Variants in IQCH observed in about 807,000 individuals in gnomAD.
The protein encoded by IQCH is IQ domain-containing protein H.
IQCH carries 98 observed loss-of-function variants against 117.0 expected under a neutral mutation model. The ratio of observed to expected loss-of-function variants is 0.84; its 90% CI spans 0.71 to 0.99. The LOEUF is 0.99. Among genes scored for constraint, IQCH ranks in the 50% least tolerant of loss-of-function variants. The probability of loss-of-function intolerance (pLI) is 0.00; values close to 1 mark genes in which losing one functional copy is unlikely to be tolerated. For synonymous variants in IQCH, 412 were observed against 448.2 expected, an observed-to-expected ratio of 0.92 and a Z score of 1.02; for missense variants, 1,102 against 1,243.8, an observed-to-expected ratio of 0.89 and a Z score of 1.72.
chr15:67,448,180 T>TGC (rs397689617), intron 16 of IQCH, among the ~76,000 whole-genome samples: 284 of 150,978 alleles, frequency 1.9e-3, no homozygotes, highest in African/African-American at 6.7e-3. Context: ...TGTGTGTGTG[T>TGC]AACAGCTTTA....
In IQCH at chr15:67,372,570, G is replaced by A. The variant is rs1326920943; in HGVS notation, c.1213G>A (p.Ala405Thr). 1 of 1,614,020 alleles carries A rather than the reference G, an allele frequency of 6.2e-7. No individual in the cohort carries two copies. The highest frequency in any genetic ancestry group is 8.5e-7 in the Non-Finnish European group (1 of 1,179,964). The change falls in exon 9 of 21, where the codon GCT becomes ACT. Residue 405 changes from alanine to threonine, a missense_variant. This residue lies in a region of IQCH where 650 missense variants were observed against 794.3 expected (regional missense o/e 0.82). Transcript: ENST00000335894. ...QKWASGVIAI[A>T]WLLYCHKTRL... ...GTGGGCATCAGGTGTGATTGCCATTGCTTGGCTGTTATATTGCCATAAGAC... is the reference window on the plus strand; with the variant it reads ...GTGGGCATCAGGTGTGATTGCCATTACTTGGCTGTTATATTGCCATAAGAC...
rs942790707 is a variant in IQCH, at chr15:67,393,211, A to G, written c.1633-2080A>G. 6.6e-6 allele frequency among the ~76,000 whole-genome samples: 1 copy of G among 152,242 alleles called. No individual in the cohort carries two copies. Among genetic ancestry groups the G allele is most frequent in the Admixed American group, 6.5e-5 (1 of 15,284 alleles). On this transcript the variant is annotated intron_variant, in intron 12 of 20. Coordinates refer to ENST00000335894, the MANE Select transcript of IQCH (RefSeq NM_001031715.3). This position sits in a 1 kb window ranked among gnomAD's most constrained non-coding sequence, Gnocchi z 5.5. ...ATTTGAATATGAGAAATTGAGACTC[A>G]GAAAGGTTGAGTTTTCTAAATCACC...
rs2083122561 is a variant in IQCH, at chr15:67,473,438, G to A, written c.2677-2258G>A. On this transcript the variant is annotated intron_variant, in intron 17 of 20. Transcript: ENST00000335894. The surrounding 1 kb of genome is among the most constrained non-coding windows in gnomAD (Gnocchi z 4.9). ...GCTGTCCTCCAGCAGGCAAGGCCCG[G>A]AGCAACTGCCCTGAGTTGTCCTTCT... is the stretch of plus-strand genomic sequence containing the variant. Among the ~76,000 whole-genome samples the A allele has an allele frequency of 6.6e-6, 1 of 152,214 alleles. No homozygotes were observed.
intron 8 of IQCH, among the ~76,000 whole-genome samples, chr15:67,362,816 G>A (rs759752055): frequency 5.3e-5 from 8 of 152,188 alleles, no homozygotes; most frequent in Non-Finnish European, 8.8e-5. Context: ...TATGGTATTT[G>A]AACAAAGTGT....
chr15:67,454,082 C>T lies in IQCH; in HGVS notation c.2506-11045C>T, dbSNP rs995293891. On this transcript the variant is annotated intron_variant, in intron 16 of 20. Transcript: ENST00000335894. The surrounding 1 kb of genome is among the most constrained non-coding windows in gnomAD (Gnocchi z 5.2). ...CTGTTTTTTAAGCCCGTTGGAAAAG[C>T]GCAGTATTAGGGTGGGAGTGACCCG... Among the ~76,000 whole-genome samples the T allele has an allele frequency of 5.9e-5, 9 of 152,182 alleles. No homozygotes were observed. The highest frequency in any genetic ancestry group is 2.1e-4 in the South Asian group (1 of 4,832).
At chr15:67,361,488 A>G (rs908627757) in intron 8 of IQCH, among the ~76,000 whole-genome samples, 2 of 152,256 alleles carry the variant, frequency 1.3e-5, no homozygotes, top group South Asian at 2.1e-4. Context: ...ATAAATATCA[A>G]TCATTTTTAT....
Position 67,426,604 on chromosome 15 carries a change from T to TA in IQCH, c.2505+5036dup, listed in dbSNP as rs960602153. 1.4e-4 allele frequency among the ~76,000 whole-genome samples: 20 copies of TA among 145,234 alleles called. No individual in the cohort carries two copies. The highest frequency in any genetic ancestry group is 3.7e-4 in the African/African-American group (15 of 40,006). ...ATACTCATTATTTAAACTTACAAAC[T>TA]AAAAAAAAATAAAAATAAAAATAAA... is the stretch of plus-strand genomic sequence containing the variant. On this transcript the variant is annotated intron_variant, in intron 16 of 20. Transcript: ENST00000335894. This position sits in a 1 kb window ranked among gnomAD's most constrained non-coding sequence, Gnocchi z 5.1.
rs1206299634 is a variant in IQCH at position 67,436,027 on chromosome 15, A to G, written c.2505+14450A>G. 6.6e-6 allele frequency among the ~76,000 whole-genome samples: 1 copy of G among 152,090 alleles called. No individual in the cohort carries two copies. The highest frequency in any genetic ancestry group is 1.5e-5 in the Non-Finnish European group (1 of 68,030). On this transcript the variant is annotated intron_variant, in intron 16 of 20. Transcript: ENST00000335894. This position sits in a 1 kb window ranked among gnomAD's most constrained non-coding sequence, Gnocchi z 5.1. The stretch of plus-strand genomic sequence containing the variant: ...TGTAAATGTTGCGGTGGAAAAGTAC[A>G]TTTGCTTTAGGCTTTACCTATTTCT...
chr15:67,343,022 T>G (rs1969237881), intron 5 of IQCH, among the ~76,000 whole-genome samples: 1 of 152,180 alleles, frequency 6.6e-6, no homozygotes, highest in South Asian at 2.1e-4. Flanking sequence ...GTTTTACAAG[T>G]GAACTATTTT....
intron 18 of IQCH, among the ~76,000 whole-genome samples, chr15:67,478,550 A>C (rs1007277833): frequency 1.3e-5 from 2 of 152,186 alleles, no homozygotes; most frequent in African/African-American, 4.8e-5. Context: ...TGCAAAGAAG[A>C]AAAAGATAAG....
intron 4 of IQCH, among the ~76,000 whole-genome samples, chr15:67,309,857 T>C (rs1967497591): frequency 1.3e-5 from 2 of 150,624 alleles, no homozygotes; most frequent in Admixed American, 1.3e-4. Flanking sequence ...GGTAAGCAAA[T>C]TACATTTCAG....
At chr15:67,442,354 G>A (rs2082291083) in intron 16 of IQCH, among the ~76,000 whole-genome samples, 1 of 151,870 alleles carries the variant, frequency 6.6e-6, no homozygotes, top group Admixed American at 6.6e-5. Flanking sequence ...AGGTTGTGGT[G>A]AGCCAAGATC....
At position 67,472,460 on chromosome 15, in the gene IQCH, C is replaced by G. The variant is rs942956774; in HGVS notation, c.2677-3236C>G. Reference sequence around the variant, plus strand: ...CTGTGTTAGGGGGAAATGATTAATCCGGTGATACTGTTCAGAATCCCAGGA... The same window carrying G: ...CTGTGTTAGGGGGAAATGATTAATCGGGTGATACTGTTCAGAATCCCAGGA... On this transcript the variant is annotated intron_variant, in intron 17 of 20. Transcript: ENST00000335894. The surrounding 1 kb of genome is among the most constrained non-coding windows in gnomAD (Gnocchi z 4.3). Among the ~76,000 whole-genome samples the G allele has an allele frequency of 7.9e-5, 12 of 152,086 alleles. No individual in the cohort carries two copies. Among genetic ancestry groups the G allele is most frequent in the African/African-American group, 2.9e-4 (12 of 41,410 alleles).
At chr15:67,315,933 CAG>C (rs1208279638) in intron 4 of IQCH, among the ~76,000 whole-genome samples, 4 of 152,120 alleles carry the variant, frequency 2.6e-5, no homozygotes, top group African/African-American at 7.2e-5. Flanking sequence ...CTGGAACAAA[CAG>C]AATGTATCAG....
intron 4 of IQCH, among the ~76,000 whole-genome samples, chr15:67,315,538 T>A (rs759433536): frequency 3.9e-5 from 6 of 152,150 alleles, no homozygotes; most frequent in Non-Finnish European, 8.8e-5. Flanking sequence ...ATTATCTCCA[T>A]CTTACTGGTA....
chr15:67,434,987 G>GT (rs67509951), intron 16 of IQCH, among the ~76,000 whole-genome samples: 18,163 of 144,826 alleles, frequency 0.13, 1,216 homozygotes, highest in East Asian at 0.21. Flanking sequence ...TTGTATCTTT[G>GT]TTTTTTTTTT....
rs1228625491 is a variant in IQCH, at chr15:67,390,289, A to G, written c.1632+1283A>G. On this transcript the variant is annotated intron_variant, in intron 12 of 20. Transcript: ENST00000335894. The surrounding 1 kb of genome is among the most constrained non-coding windows in gnomAD (Gnocchi z 5.0). ...CATTAGGGTGCAAGGAAGAAAAAGA[A>G]CTACCATTAGTGTTTAGTTAAATTC... Among the ~76,000 whole-genome samples the G allele has an allele frequency of 6.6e-6, 1 of 152,104 alleles. No homozygotes were observed. The highest frequency in any genetic ancestry group is 1.5e-5 in the Non-Finnish European group (1 of 67,988).
intron 4 of IQCH, among the ~76,000 whole-genome samples, chr15:67,333,207 A>G (rs1968742926): frequency 6.6e-6 from 1 of 152,224 alleles, no homozygotes; most frequent in Non-Finnish European, 1.5e-5. Context: ...ATGTGAATTT[A>G]GGAGGGACAC....
At position 67,388,250 on chromosome 15, in the gene IQCH, C is replaced by T. The variant is rs111649577; in HGVS notation, c.1457-581C>T. 5.3e-3 allele frequency among the ~76,000 whole-genome samples: 811 copies of T among 152,150 alleles called. 6 individuals are homozygous for T. Among genetic ancestry groups the T allele is most frequent in the African/African-American group, 0.017 (695 of 41,510 alleles). ...AATTAAGATGGTGTTTCCTTTAAAC[C>T]AAGAATCACTAGACCTGCTATTTAA... is the stretch of plus-strand genomic sequence containing the variant. On this transcript the variant is annotated intron_variant, in intron 11 of 20. Coordinates refer to ENST00000335894, the MANE Select transcript of IQCH (RefSeq NM_001031715.3). This position sits in a 1 kb window ranked among gnomAD's most constrained non-coding sequence, Gnocchi z 5.5.
Sources: allele counts gnomAD v4.1 joint callset (sites outside exome capture counted in the v4.1 genomes callset), GRCh38; gene constraint gnomAD v4.1.1; regional missense constraint gnomAD v4.1.1; non-coding constraint Gnocchi (gnomAD v3.1); transcripts MANE v1.5; gene names NCBI Gene and HGNC (gene_info 2026-07-23, HGNC 2026-07-21).